The following LASP1 variants were observed in gnomAD, a reference collection of about 807,000 sequenced individuals.
The protein encoded by LASP1 is LIM and SH3 domain protein 1.
A neutral mutation model predicts 38.6 loss-of-function variants in LASP1; 10 were observed. That is an observed-to-expected ratio of 0.26 (90% confidence interval 0.16 to 0.44). LASP1 has a LOEUF of 0.44. Among genes scored for constraint, LASP1 ranks in the 20% least tolerant of loss-of-function variants. LASP1 has a pLI of 1.00. For synonymous variants in LASP1, 132 were observed against 140.8 expected (o/e 0.94, Z 0.44); for missense variants, 243 against 375.7 (o/e 0.65, Z 2.92).
At position 38,918,566 on chromosome 17, in the gene LASP1, G is replaced by A. The variant is rs779890548; in HGVS notation, c.613-39G>A. On this transcript the variant is annotated intron_variant, in intron 6 of 6. Transcript: ENST00000318008. The surrounding 1 kb of genome is among the most constrained non-coding windows in gnomAD (Gnocchi z 4.4). The stretch of plus-strand genomic sequence containing the variant: ...AAAAATGCTCAGACCCAGGTGAGCC[G>A]GCATGCAGGGCCCTAGGCTGACCAC... 9.1e-6 allele frequency: 14 copies of A among 1,535,044 alleles called. 1 individual carries two copies. The highest frequency in any genetic ancestry group is 2.3e-5 in the East Asian group (1 of 43,542).
At chr17:38,907,226 C>T (rs1914798777) in intron 4 of LASP1, among the ~76,000 whole-genome samples, 1 of 152,170 alleles carries the variant, frequency 6.6e-6, no homozygotes, top group African/African-American at 2.4e-5. Context: ...GGAGCTGAGC[C>T]TCACTTTTTC....
chr17:38,912,492 G>T (rs1317369507), intron 4 of LASP1, among the ~76,000 whole-genome samples: 1 of 152,132 alleles, frequency 6.6e-6, no homozygotes, highest in Non-Finnish European at 1.5e-5. Context: ...GGATCTGGTT[G>T]CCACAGGGTC....
chr17:38,880,267 A>C (rs1480374305), intron 2 of LASP1, among the ~76,000 whole-genome samples: 1 of 152,232 alleles, frequency 6.6e-6, no homozygotes, highest in Admixed American at 6.5e-5. Context: ...TGGGAGCTGG[A>C]GAAAAATCAG....
chr17:38,888,859 C>T (rs1914219745), intron 2 of LASP1, among the ~76,000 whole-genome samples: 1 of 140,852 alleles, frequency 7.1e-6, no homozygotes, highest in Admixed American at 7.0e-5. Flanking sequence ...CTTCGGCTGC[C>T]TCCAAGCCAG....
Position 38,878,196 on chromosome 17 carries a change from G to A in LASP1, c.164+16G>A, listed in dbSNP as rs1011789100. ...ACTGCAACGCGTGAGTCCTGTTCTG[G>A]GCAGGGGGCTGGGTGGGCACCTTGG... is the stretch of plus-strand genomic sequence containing the variant. On this transcript the variant is annotated intron_variant, in intron 2 of 6. Transcript: ENST00000318008. 16 of 1,595,078 alleles carry A rather than the reference G, an allele frequency of 1.0e-5. No homozygotes were observed. In the Admixed American group the frequency reaches 1.5e-4, roughly 15 times the overall value.
Position 38,918,550 on chromosome 17 carries a change from C to G in LASP1, c.613-55C>G, listed in dbSNP as rs764621526. On this transcript the variant is annotated intron_variant, in intron 6 of 6. Transcript: ENST00000318008. This position sits in a 1 kb window ranked among gnomAD's most constrained non-coding sequence, Gnocchi z 4.4. ...TCGTGGAGAGTTAGAAAAAAATGCT[C>G]AGACCCAGGTGAGCCGGCATGCAGG... The G allele has an allele frequency of 7.9e-6, 12 of 1,515,714 alleles. No individual in the cohort carries two copies. Among genetic ancestry groups the G allele is most frequent in the South Asian group, 1.3e-5 (1 of 77,310 alleles). The allele number at this position is 1,515,714 out of a possible 1,614,324, so 93.9% of individuals were successfully genotyped here. A position where few individuals can be genotyped will look rare whatever the true frequency, so the allele number is the denominator to read the frequency against.
chr17:38,890,572 A>G (rs183087442), intron 3 of LASP1, 68 bp downstream of exon 3: 7 of 1,426,938 alleles, frequency 4.9e-6, no homozygotes, highest in Non-Finnish European at 6.9e-6. Flanking sequence ...TAAGGTCGGC[A>G]TTTGGCAAGA....
At chr17:38,870,468 G>C (rs956427721) in intron 1 of LASP1, among the ~76,000 whole-genome samples, 1 of 152,262 alleles carries the variant, frequency 6.6e-6, no homozygotes, top group African/African-American at 2.4e-5. Flanking sequence ...CGCGTAGCGG[G>C]CAGCCGCTGC....
In LASP1 at chr17:38,890,072, C is replaced by T. The variant is rs79501828; in HGVS notation, c.165-348C>T. Among the ~76,000 whole-genome samples the T allele has an allele frequency of 1.5e-4, 23 of 152,338 alleles. No individual in the cohort carries two copies. In the East Asian group the frequency reaches 3.7e-3, roughly 24 times the overall value. Reference sequence around the variant, plus strand: ...TTCCCCCAGCCGGGCCCAGTTGCCTCGACCTCCATGTGTGGTAGGCACAAG... The same window carrying T: ...TTCCCCCAGCCGGGCCCAGTTGCCTTGACCTCCATGTGTGGTAGGCACAAG... On this transcript the variant is annotated intron_variant, in intron 2 of 6. Transcript: ENST00000318008.
At chr17:38,890,713 G>A (rs1914290554) in intron 3 of LASP1, among the ~76,000 whole-genome samples, 1 of 152,152 alleles carries the variant, frequency 6.6e-6, no homozygotes, top group Non-Finnish European at 1.5e-5. Flanking sequence ...CCTAGAGGGG[G>A]TTGGAGAGGT....
chr17:38,912,144 T>A (rs145250715), intron 4 of LASP1, among the ~76,000 whole-genome samples: 1 of 152,218 alleles, frequency 6.6e-6, no homozygotes, highest in African/African-American at 2.4e-5. Flanking sequence ...AAGAACTACA[T>A]ATATCAGGCC....
Position 38,918,139 on chromosome 17 carries a change from C to CAA in LASP1, c.613-450_613-449dup, listed in dbSNP as rs71352324. On this transcript the variant is annotated intron_variant, in intron 6 of 6. Transcript: ENST00000318008. This position sits in a 1 kb window ranked among gnomAD's most constrained non-coding sequence, Gnocchi z 4.4. ...TGGGTGACAAAGCAAGACTCCATCT[C>CAA]AAAAAAAAAAAAAAAAAGAGGGAGT... 2.1e-4 allele frequency among the ~76,000 whole-genome samples: 20 copies of CAA among 95,054 alleles called. No homozygotes were observed. In the East Asian group the frequency reaches 4.0e-3, roughly 19 times the overall value. 62.4% of individuals were successfully genotyped at this position (95,054 alleles called of 152,430 possible). A position where few individuals can be genotyped will look rare whatever the true frequency, so the allele number is the denominator to read the frequency against.
chr17:38,887,897 A>G (rs1914190672), intron 2 of LASP1, among the ~76,000 whole-genome samples: 1 of 152,190 alleles, frequency 6.6e-6, no homozygotes, highest in Non-Finnish European at 1.5e-5. Flanking sequence ...CATGCCGAGC[A>G]GAGGGGCAGC....
At chr17:38,889,023 G>C (rs982479290) in intron 2 of LASP1, among the ~76,000 whole-genome samples, 1 of 152,244 alleles carries the variant, frequency 6.6e-6, no homozygotes, top group East Asian at 1.9e-4. Context: ...ATCTGTCAAA[G>C]GGGTACGCTG....
intron 2 of LASP1, among the ~76,000 whole-genome samples, chr17:38,882,375 G>C (rs1913979193): frequency 1.3e-5 from 2 of 152,172 alleles, no homozygotes; most frequent in African/African-American, 4.8e-5. Context: ...AGCCTCCCAA[G>C]TAGCTGGGAT....
chr17:38,892,496 G>A (rs80140639), intron 3 of LASP1, among the ~76,000 whole-genome samples: 3,761 of 152,046 alleles, frequency 0.025, 175 homozygotes, highest in African/African-American at 0.086. Context: ...AGAGGTGGAG[G>A]GGCTCAGAAG....
intron 3 of LASP1, among the ~76,000 whole-genome samples, chr17:38,894,729 AT>A (rs199577778): frequency 3.2e-4 from 48 of 151,356 alleles, no homozygotes; most frequent in African/African-American, 1.1e-3. Context: ...TGTGTGTCTA[AT>A]TTTTTTTTTA....
In LASP1 at chr17:38,915,124, G is replaced by A. The variant is rs753952992; in HGVS notation, c.590G>A (p.Arg197His). The change falls in exon 6 of 7, where the codon CGC becomes CAC. Residue 197 changes from arginine (R) to histidine (H), a missense_variant. Transcript: ENST00000318008. The stretch of plus-strand genomic sequence containing the variant: ...CCTGCAGCCCCAGTCTCCATACAGC[G>A]CAGCGCCCCAGGTGGTGGCGGGGTG... ...KEPAAPVSIQ[R>H]SAPGGGGKRY... 1.7e-5 allele frequency: 27 copies of A among 1,613,838 alleles called. No individual in the cohort carries two copies. In the Admixed American group the frequency reaches 4.0e-4, roughly 24 times the overall value.
intron 4 of LASP1, among the ~76,000 whole-genome samples, chr17:38,911,472 G>A (rs1414476570): frequency 1.1e-4 from 17 of 152,286 alleles, no homozygotes; most frequent in African/African-American, 3.6e-4. Context: ...GGGAGGATTC[G>A]GCGAGCTGAT....
Sources: allele counts gnomAD v4.1 joint callset (sites outside exome capture counted in the v4.1 genomes callset), GRCh38; gene constraint gnomAD v4.1.1; non-coding constraint Gnocchi (gnomAD v3.1); transcripts MANE v1.5; gene names NCBI Gene and HGNC (gene_info 2026-07-23, HGNC 2026-07-21).